The following KCNJ9 variants were observed in gnomAD, a reference collection of about 807,000 sequenced individuals.
KCNJ9 encodes the protein G protein-activated inward rectifier potassium channel 3.
Under a neutral mutation model 27.9 loss-of-function variants are expected in KCNJ9, and 18 were observed. That is an observed-to-expected ratio of 0.65 (90% CI 0.45 to 0.96). The LOEUF (loss-of-function observed/expected upper bound fraction) is 0.96. Ranked by LOEUF, KCNJ9 falls within the 40% of genes least tolerant of loss-of-function variation. The pLI is 0.00. For synonymous variants in KCNJ9, 229 were observed against 248.2 expected (o/e 0.92, Z 0.73); for missense variants, 324 against 557.5 (o/e 0.58, Z 4.22).
Position 160,083,900 on chromosome 1 carries a change from G to C in KCNJ9, c.-114-17G>C, listed in dbSNP as rs1649727621. The C allele has an allele frequency of 1.2e-6, 1 of 868,086 alleles. No individual in the cohort carries two copies. The highest frequency in any genetic ancestry group is 1.8e-5 in the African/African-American group (1 of 56,098). 53.8% of individuals were successfully genotyped at this position (868,086 alleles called of 1,614,324 possible). ...CCATCTCCCGAGGGGCCACTCATTC[G>C]GCAAACCTTTATTAAGCCCCTCCAG... On this transcript the variant is annotated splice_polypyrimidine_tract_variant and intron_variant, in intron 1 of 2. Coordinates refer to ENST00000368088, the MANE Select transcript of KCNJ9 (RefSeq NM_004983.3).
intron 2 of KCNJ9, among the ~76,000 whole-genome samples, chr1:160,086,617 G>T (rs995614646): frequency 6.6e-6 from 1 of 152,192 alleles, no homozygotes; most frequent in African/African-American, 2.4e-5. Flanking sequence ...GCATGGAAGA[G>T]CACTGGTGAA....
chr1:160,087,532 G>A lies in KCNJ9; in HGVS notation c.897G>A (p.Leu299=). ...ARSSYLVDEV[L]WGHRFTSVLT... is the part of the protein sequence containing the mutation. ...GCTCCTACCTGGTAGACGAGGTGCT[G>A]TGGGGCCACCGCTTCACGTCAGTGC... The change falls in exon 3 of 3, where the codon CTG becomes CTA. Residue 299 remains leucine, a synonymous_variant. Coordinates refer to ENST00000368088, the MANE Select transcript of KCNJ9 (RefSeq NM_004983.3). 1 of 1,612,642 alleles carries A rather than the reference G, an allele frequency of 6.2e-7. No individual in the cohort carries two copies. Among genetic ancestry groups the A allele is most frequent in the East Asian group, 2.2e-5 (1 of 44,844 alleles).
rs3747619 is a variant in KCNJ9 at position 160,089,970 on chromosome 1, G to C, written c.*2153G>C. 0.15 allele frequency: 22,351 copies of C among 152,298 alleles called. 1,764 individuals carry two copies. Among genetic ancestry groups the C allele is most frequent in the African/African-American group, 0.18 (7,672 of 41,520 alleles). 9.4% of individuals were successfully genotyped at this position (152,298 alleles called of 1,614,324 possible). On this transcript the variant is annotated 3_prime_UTR_variant, in exon 3 of 3. Coordinates refer to ENST00000368088, the MANE Select transcript of KCNJ9 (RefSeq NM_004983.3). ...GCACAGCCAGGGTCCTATGGGCATAGCCAGGGCCCTATGGGTCCTCTGGAA... is the reference window on the plus strand; with the variant it reads ...GCACAGCCAGGGTCCTATGGGCATACCCAGGGCCCTATGGGTCCTCTGGAA...
rs1007838133 is a variant in KCNJ9, at chr1:160,081,597, G to C, written c.-215G>C. ...ATTTAGGAGAAACAGCGGTGTCTGC[G>C]GCTCCCACCCTTCGGGGGGCCCGTG... On this transcript the variant is annotated 5_prime_UTR_variant, in exon 1 of 3. Coordinates refer to ENST00000368088, the MANE Select transcript of KCNJ9 (RefSeq NM_004983.3). 1 of 152,318 alleles carries C rather than the reference G, an allele frequency of 6.6e-6. No homozygotes were observed. Among genetic ancestry groups the C allele is most frequent in the Non-Finnish European group, 1.5e-5 (1 of 68,130 alleles). 9.4% of individuals were successfully genotyped at this position (152,318 alleles called of 1,614,324 possible). A position where few individuals can be genotyped will look rare whatever the true frequency, so the allele number is the denominator to read the frequency against.
chr1:160,087,399 AG>A (rs1434607010), intron 2 of KCNJ9, 86 bp from the exon 3 acceptor site: 1 of 1,459,736 alleles, frequency 6.9e-7, no homozygotes, highest in Non-Finnish European at 9.1e-7. Flanking sequence ...AATAGAAGGG[AG>A]GGTGCTGGGA....
chr1:160,082,791 T>C (rs1649705196), intron 1 of KCNJ9, among the ~76,000 whole-genome samples: 2 of 152,064 alleles, frequency 1.3e-5, no homozygotes, highest in African/African-American at 2.4e-5. Flanking sequence ...ATGGTCCATA[T>C]CTCCTAGAGG....
Position 160,088,852 on chromosome 1 carries a change from G to A in KCNJ9, c.*1035G>A, listed in dbSNP as rs1649834633. The A allele has an allele frequency of 6.6e-6, 1 of 152,282 alleles. No individual in the cohort carries two copies. The highest frequency in any genetic ancestry group is 1.5e-5 in the Non-Finnish European group (1 of 68,084). 9.4% of individuals were successfully genotyped at this position (152,282 alleles called of 1,614,324 possible). A position where few individuals can be genotyped will look rare whatever the true frequency, so the allele number is the denominator to read the frequency against. ...GGGAAAACAGAGGAATCTACCTGTG[G>A]TGACTGAACGAGGGATAATTCAAAC... On this transcript the variant is annotated 3_prime_UTR_variant, in exon 3 of 3. Coordinates refer to ENST00000368088, the MANE Select transcript of KCNJ9 (RefSeq NM_004983.3).
In KCNJ9 at chr1:160,084,453, G is replaced by A. The variant is rs145179912; in HGVS notation, c.423G>A (p.Leu141=). Reference sequence around the variant, plus strand: ...CCGAGGGCATCGTGCTGCTGCTGCTGCAGGCCATCCTGGGCTCCATGGTGA... The same window carrying A: ...CCGAGGGCATCGTGCTGCTGCTGCTACAGGCCATCCTGGGCTCCATGGTGA... ...QCPEGIVLLL[L]QAILGSMVNA... Residue 141 remains leucine (L), a synonymous_variant, in exon 2 of 3, where the codon CTG becomes CTA. Coordinates refer to ENST00000368088, the MANE Select transcript of KCNJ9 (RefSeq NM_004983.3). 26 of 1,613,586 alleles carry A rather than the reference G, an allele frequency of 1.6e-5. No individual in the cohort carries two copies. In the African/African-American group the frequency reaches 3.5e-4, roughly 22 times the overall value.
rs1202790538 is a variant in KCNJ9 at position 160,090,434 on chromosome 1, G to T, written c.*2617G>T. The stretch of plus-strand genomic sequence containing the variant: ...CAGTGCAACAAGTCAGGAGACCTAG[G>T]TCCTACTCCTGACACTTGCTAATTA... On this transcript the variant is annotated 3_prime_UTR_variant, in exon 3 of 3. Transcript: ENST00000368088. 6.6e-6 allele frequency: 1 copy of T among 152,410 alleles called. No individual in the cohort carries two copies. The highest frequency in any genetic ancestry group is 1.5e-5 in the Non-Finnish European group (1 of 68,048). The allele number at this position is 152,410 out of a possible 1,614,324, so 9.4% of individuals were successfully genotyped here.
In KCNJ9 at chr1:160,087,807, C is replaced by A; in HGVS notation, c.1172C>A (p.Ser391Tyr). ...NGCLPPPESE[S>Y]KV is the part of the protein sequence containing the mutation. ...TGCCTGCCACCCCCAGAGAGTGAGT[C>A]CAAGGTGTGACCAGCTTCCTCCAGA... is the stretch of plus-strand genomic sequence containing the variant. Residue 391 changes from serine to tyrosine, a missense_variant, in exon 3 of 3, where the codon TCC (serine) becomes TAC (tyrosine). Physicochemically the swap from Ser to Tyr is moderately radical, Grantham distance 144 (BLOSUM62 -2). Around this residue, in one of 3 missense-constraint regions of KCNJ9, gnomAD observed 51 missense variants for 44.1 expected, o/e 1.16. Transcript: ENST00000368088. The A allele has an allele frequency of 6.7e-7, 1 of 1,497,544 alleles. No individual in the cohort carries two copies. The highest frequency in any genetic ancestry group is 8.9e-7 in the Non-Finnish European group (1 of 1,124,890). The allele number at this position is 1,497,544 out of a possible 1,614,324, so 92.8% of individuals were successfully genotyped here.
In KCNJ9 at chr1:160,087,975, T is replaced by G. The variant is rs1649814020; in HGVS notation, c.*158T>G. 2 of 635,496 alleles carry G rather than the reference T, an allele frequency of 3.1e-6. No individual in the cohort carries two copies. Among genetic ancestry groups the G allele is most frequent in the South Asian group, 9.2e-5 (2 of 21,740 alleles). 39.4% of individuals were successfully genotyped at this position (635,496 alleles called of 1,614,324 possible). On this transcript the variant is annotated 3_prime_UTR_variant, in exon 3 of 3. Coordinates refer to ENST00000368088, the MANE Select transcript of KCNJ9 (RefSeq NM_004983.3). ...TCCCCGTCCCCCAGAACCTCAAGTC[T>G]AGAAACCAGTATGGAAGGGAGGGGT...
At chr1:160,087,339 GA>G in intron 2 of KCNJ9, 146 bp from the exon 3 acceptor site, 2 of 1,251,826 alleles carry the variant, frequency 1.6e-6, no homozygotes, top group Middle Eastern at 2.3e-4. Context: ...AGGAGCTAGG[GA>G]GGGGGGGAAA....
At position 160,084,459 on chromosome 1, in the gene KCNJ9, C is replaced by T. The variant is rs1649740682; in HGVS notation, c.429C>T (p.Ala143=). ...GCATCGTGCTGCTGCTGCTGCAGGC[C>T]ATCCTGGGCTCCATGGTGAACGCCT... ...PEGIVLLLLQ[A]ILGSMVNAFM... The change falls in exon 2 of 3, where the codon GCC becomes GCT. Residue 143 remains alanine, a synonymous_variant. Transcript: ENST00000368088. The T allele has an allele frequency of 6.2e-7, 1 of 1,613,768 alleles. No homozygotes were observed. The highest frequency in any genetic ancestry group is 8.5e-7 in the Non-Finnish European group (1 of 1,179,924).
At position 160,084,485 on chromosome 1, in the gene KCNJ9, T is replaced by C; in HGVS notation, c.455T>C (p.Phe152Ser). ...ATCCTGGGCTCCATGGTGAACGCCT[T>C]CATGGTGGGCTGCATGTTCGTCAAG... Reference protein sequence around the residue: ...QAILGSMVNAFMVGCMFVKIS... With the variant: ...QAILGSMVNASMVGCMFVKIS... Residue 152 changes from phenylalanine to serine, a missense_variant, in exon 2 of 3, where the codon TTC (phenylalanine) becomes TCC (serine). By Grantham distance (155) the Phe-to-Ser change is radical. Coordinates refer to ENST00000368088, the MANE Select transcript of KCNJ9 (RefSeq NM_004983.3). The C allele has an allele frequency of 6.2e-7, 1 of 1,613,670 alleles. No homozygotes were observed. The highest frequency in any genetic ancestry group is 8.5e-7 in the Non-Finnish European group (1 of 1,179,938).
rs1366489280 is a variant in KCNJ9, at chr1:160,084,358, G to A, written c.328G>A (p.Ala110Thr). ...CAACAACCTCAACGGCTTCGTGGCC[G>A]CCTTCCTCTTCTCCATCGAGACCGA... Reference protein sequence around the residue: ...CVNNLNGFVAAFLFSIETETT... With the variant: ...CVNNLNGFVATFLFSIETETT... Residue 110 changes from alanine (A) to threonine (T), a missense_variant, in exon 2 of 3, where the codon GCC (alanine) becomes ACC (threonine). Ala to Thr is a moderately conservative substitution (Grantham distance 58). Transcript: ENST00000368088. 1 of 1,613,604 alleles carries A rather than the reference G, an allele frequency of 6.2e-7. No homozygotes were observed. Among genetic ancestry groups the A allele is most frequent in the South Asian group, 1.1e-5 (1 of 91,086 alleles).
Position 160,084,372 on chromosome 1 carries a change from C to G in KCNJ9, c.342C>G (p.Ser114=), listed in dbSNP as rs199673837. 68 of 1,613,636 alleles carry G rather than the reference C, an allele frequency of 4.2e-5. No homozygotes were observed. In the Admixed American group the frequency reaches 7.5e-4, roughly 18 times the overall value. ...GCTTCGTGGCCGCCTTCCTCTTCTC[C>G]ATCGAGACCGAGACCACCATCGGCT... ...LNGFVAAFLF[S]IETETTIGYG... is the part of the protein sequence containing the mutation. Residue 114 remains serine, a synonymous_variant, in exon 2 of 3, where the codon TCC becomes TCG. Transcript: ENST00000368088.
At chr1:160,081,986 A>G (rs534492411) in intron 1 of KCNJ9, among the ~76,000 whole-genome samples, 1 of 152,218 alleles carries the variant, frequency 6.6e-6, no homozygotes, top group Non-Finnish European at 1.5e-5. Flanking sequence ...AGATAGAGGT[A>G]ACAATTTCAC....
At chr1:160,082,589 G>T (rs901968264) in intron 1 of KCNJ9, among the ~76,000 whole-genome samples, 7 of 152,170 alleles carry the variant, frequency 4.6e-5, no homozygotes, top group African/African-American at 1.7e-4. Context: ...TAGGTTTAGA[G>T]TCACATACCC....
chr1:160,084,753 C>A lies in KCNJ9; in HGVS notation c.723C>A (p.Leu241=), dbSNP rs749299338. 1 of 1,572,230 alleles carries A rather than the reference C, an allele frequency of 6.4e-7. No homozygotes were observed. The highest frequency in any genetic ancestry group is 2.4e-5 in the East Asian group (1 of 42,476). ...ACACGGGAGACGACCGCCTCTTCCT[C>A]GTCTCGCCGCTGGTTATCAGCCACG... ...GFDTGDDRLF[L]VSPLVISHEI... Residue 241 remains leucine (L), a synonymous_variant, in exon 2 of 3, where the codon CTC becomes CTA. Transcript: ENST00000368088.
Sources: allele counts gnomAD v4.1 joint callset (sites outside exome capture counted in the v4.1 genomes callset), GRCh38; gene constraint gnomAD v4.1.1; regional missense constraint gnomAD v4.1.1; transcripts MANE v1.5; gene names NCBI Gene and HGNC (gene_info 2026-07-23, HGNC 2026-07-21).